MEGF11: variants seen among roughly 807,000 people sequenced by gnomAD.
MEGF11 encodes the protein multiple EGF like domains 11.
Under a neutral mutation model 146.6 loss-of-function variants are expected in MEGF11, and 126 were observed. That is an observed-to-expected ratio of 0.86 (90% CI 0.74 to 1.00). The LOEUF (loss-of-function observed/expected upper bound fraction) is 1.00. Among genes scored for constraint, MEGF11 ranks in the 50% least tolerant of loss-of-function variants. MEGF11 has a pLI of 0.00. For synonymous variants in MEGF11, 532 were observed against 583.4 expected (o/e 0.91, Z 1.27); for missense variants, 1,509 against 1,521.2 (o/e 0.99, Z 0.13).
intron 10 of MEGF11, among the ~76,000 whole-genome samples, chr15:65,942,972 GGCTTTTTTT>G (rs2080056257): frequency 9.4e-6 from 1 of 106,008 alleles, no homozygotes; most frequent in Non-Finnish European, 2.0e-5. Context: ...AAAACAACTT[GGCTTTTTTT>G]TTTTTTTTTT....
chr15:66,251,454 C>T (rs73479613), intron 1 of MEGF11, among the ~76,000 whole-genome samples: 2,965 of 152,244 alleles, frequency 0.019, 92 homozygotes, highest in African/African-American at 0.068. Context: ...GCCCTGTGTG[C>T]GGGCTCCATT....
intron 1 of MEGF11, among the ~76,000 whole-genome samples, chr15:66,169,866 T>C (rs1171319146): frequency 1.3e-5 from 2 of 152,130 alleles, no homozygotes; most frequent in Non-Finnish European, 2.9e-5. Flanking sequence ...TACACACAGT[T>C]TGTACAACTG....
intron 4 of MEGF11, among the ~76,000 whole-genome samples, chr15:66,108,643 G>T (rs79394158): frequency 6.6e-6 from 1 of 152,108 alleles, no homozygotes; most frequent in Non-Finnish European, 1.5e-5. Context: ...AGAGCATTCC[G>T]GGCAGAGGGA....
rs768639564 is a variant in MEGF11 at position 65,918,016 on chromosome 15, T to C, written c.2036A>G (p.Asp679Gly). 1 of 1,613,880 alleles carries C rather than the reference T, an allele frequency of 6.2e-7. No homozygotes were observed. Among genetic ancestry groups the C allele is most frequent in the African/African-American group, 1.3e-5 (1 of 74,912 alleles). Residue 679 changes from aspartate to glycine, a missense_variant, in exon 16 of 26, where the codon GAT becomes GGT. Coordinates refer to ENST00000395614, the MANE Select transcript of MEGF11 (RefSeq NM_001385028.1). ...CANNGTCSPI[D>G]GSCQCFPGWI... ...TCCAGGAAAGCACTGGCAGGAGCCA[T>C]CGATAGGGCTGCAGGTCCCGTTGTT... is the stretch of plus-strand genomic sequence containing the variant.
At chr15:66,158,635 C>T (rs1393726330) in intron 1 of MEGF11, among the ~76,000 whole-genome samples, 3 of 152,248 alleles carry the variant, frequency 2.0e-5, no homozygotes, top group Admixed American at 6.5e-5. Flanking sequence ...AATCTCCAAG[C>T]GTGGGGCCTG....
chr15:66,064,448 C>T (rs1435830376), intron 5 of MEGF11, among the ~76,000 whole-genome samples: 1 of 152,168 alleles, frequency 6.6e-6, no homozygotes, highest in Non-Finnish European at 1.5e-5. Context: ...GTAATACTCA[C>T]TACAACAGAA....
chr15:65,915,791 T>A (rs886822801), intron 18 of MEGF11, among the ~76,000 whole-genome samples, 193 bp from the exon 19 acceptor site: 1 of 152,032 alleles, frequency 6.6e-6, no homozygotes, highest in African/African-American at 2.4e-5. Context: ...CAGGGCCCAC[T>A]CACCCCTACT....
intron 5 of MEGF11, among the ~76,000 whole-genome samples, chr15:66,079,289 C>T (rs988451061): frequency 6.6e-6 from 1 of 152,178 alleles, no homozygotes; most frequent in Non-Finnish European, 1.5e-5. Flanking sequence ...CCCCTCCTTT[C>T]CTGGTGGGCA....
In MEGF11 at chr15:66,090,228, G is replaced by A. The variant is rs530984507; in HGVS notation, c.394+4174C>T. Among the ~76,000 whole-genome samples the A allele has an allele frequency of 7.4e-4, 113 of 152,256 alleles. 2 individuals are homozygous for A. The East Asian group carries it at 0.017, about 23-fold the overall frequency. ...ATCCATTGGCAGCCACAAAGGGCAG[G>A]GCAGGGCAGGGTAGGGGCAGGGAGT... is the stretch of plus-strand genomic sequence containing the variant. On this transcript the variant is annotated intron_variant, in intron 5 of 25. Transcript: ENST00000395614.
intron 5 of MEGF11, among the ~76,000 whole-genome samples, chr15:66,080,358 A>G (rs1025748940): frequency 6.6e-6 from 1 of 150,752 alleles, no homozygotes; most frequent in African/African-American, 2.4e-5. Context: ...TCTCTTTCTA[A>G]AAGGGGGACC....
chr15:66,126,714 A>G (rs1478252243), intron 2 of MEGF11, among the ~76,000 whole-genome samples: 2 of 152,190 alleles, frequency 1.3e-5, no homozygotes, highest in African/African-American at 4.8e-5. Context: ...TAACAGGACC[A>G]GAGGGATGAA....
intron 1 of MEGF11, among the ~76,000 whole-genome samples, chr15:66,176,407 G>A (rs1261617775): frequency 6.6e-6 from 1 of 152,138 alleles, no homozygotes; most frequent in Non-Finnish European, 1.5e-5. Context: ...GGAGGGTAGG[G>A]AGGCTGGGGT....
chr15:66,071,699 C>T (rs1439445131), intron 5 of MEGF11, among the ~76,000 whole-genome samples: 1 of 152,164 alleles, frequency 6.6e-6, no homozygotes, highest in African/African-American at 2.4e-5. Context: ...GAGGGGAAAC[C>T]TCAGTGATTT....
intron 5 of MEGF11, among the ~76,000 whole-genome samples, chr15:66,033,118 A>G (rs2083595299): frequency 6.6e-6 from 1 of 150,812 alleles, no homozygotes; most frequent in African/African-American, 2.4e-5. Flanking sequence ...AGCAGAGAAG[A>G]AATATCTGGA....
intron 10 of MEGF11, among the ~76,000 whole-genome samples, chr15:65,952,637 G>C (rs1425895464): frequency 1.3e-5 from 2 of 152,212 alleles, no homozygotes; most frequent in Non-Finnish European, 2.9e-5. Flanking sequence ...TCATGAGGCT[G>C]TCCAAGGTGC....
intron 5 of MEGF11, among the ~76,000 whole-genome samples, chr15:66,031,208 C>T (rs1432875845): frequency 6.6e-6 from 1 of 152,186 alleles, no homozygotes; most frequent in South Asian, 2.1e-4. Context: ...CCATGAAGCA[C>T]AGCCCATCCT....
At chr15:65,898,606 C>A in intron 25 of MEGF11, 122 bp downstream of exon 25, 1 of 1,489,664 alleles carries the variant, frequency 6.7e-7, no homozygotes, top group Non-Finnish European at 8.9e-7. Flanking sequence ...CTTAGAGATG[C>A]CTTTAAAAGC....
At chr15:66,198,924 CT>C (rs1035613828) in intron 1 of MEGF11, among the ~76,000 whole-genome samples, 4 of 152,184 alleles carry the variant, frequency 2.6e-5, no homozygotes, top group Non-Finnish European at 4.4e-5. Flanking sequence ...TGAATGCTGA[CT>C]TTCAAATCAC....
chr15:65,968,624 G>A (rs568131956), intron 8 of MEGF11, among the ~76,000 whole-genome samples: 2 of 151,782 alleles, frequency 1.3e-5, no homozygotes, highest in South Asian at 2.1e-4. Flanking sequence ...ATCAAGCAAC[G>A]ATGGCTAATG....
Sources: gnomAD v4.1 joint callset for allele counts (sites outside exome capture counted in the v4.1 genomes callset) on GRCh38, gnomAD v4.1.1 for gene constraint, MANE v1.5 for transcripts, NCBI Gene and HGNC (gene_info 2026-07-23, HGNC 2026-07-21) for gene names.